The following FRYL variants were observed in gnomAD, a reference collection of about 807,000 sequenced individuals.
FRYL encodes FRY like transcription coactivator.
A neutral mutation model predicts 351.2 loss-of-function variants in FRYL; 150 were observed. The ratio of observed to expected loss-of-function variants is 0.43; its 90% CI spans 0.37 to 0.49. The LOEUF (loss-of-function observed/expected upper bound fraction) is 0.49. Among genes scored for constraint, FRYL ranks in the 20% least tolerant of loss-of-function variants. FRYL has a pLI of 0.00. For synonymous variants in FRYL, 1,153 were observed against 1,257.1 expected (o/e 0.92, Z 1.75); for missense variants, 3,036 against 3,619.3 (o/e 0.84, Z 4.13).
chr4:48,512,575 T>A lies in FRYL; in HGVS notation c.8051A>T (p.Glu2684Val). 6.2e-7 allele frequency: 1 copy of A among 1,614,050 alleles called. No individual in the cohort carries two copies. The change falls in exon 57 of 64, where the codon GAG becomes GTG. Residue 2684 changes from glutamate (E) to valine (V), a missense_variant. Transcript: ENST00000358350. Reference protein sequence around the residue: ...AFQPVAYDDEEEAWRCHVNQM... With the variant: ...AFQPVAYDDEVEAWRCHVNQM... ...ATTGACGTGGCAGCGCCAGGCTTCC[T>A]CTTCATCATCATATGCCACGGGCTG...
At chr4:48,708,452 G>A (rs139646470) in intron 2 of FRYL, among the ~76,000 whole-genome samples, 296 of 152,208 alleles carry the variant, frequency 1.9e-3, no homozygotes, top group Admixed American at 2.9e-3. Flanking sequence ...GGGTGACAGT[G>A]AGACTATCTT....
chr4:48,499,856 A>G (rs1021506439), intron 63 of FRYL, among the ~76,000 whole-genome samples, 174 bp downstream of exon 63: 1 of 152,218 alleles, frequency 6.6e-6, no homozygotes, highest in Non-Finnish European at 1.5e-5. Context: ...GTACCATCTG[A>G]AAGTGAAAAG....
At chr4:48,632,098 A>ATG (rs1560753509) in intron 4 of FRYL, among the ~76,000 whole-genome samples, 1 of 21,508 alleles carries the variant, frequency 4.6e-5, no homozygotes, top group Non-Finnish European at 1.1e-4. Flanking sequence ...AAAAATATAT[A>ATG]TATATATATA....
At chr4:48,731,076 C>G (rs1770672361) in intron 1 of FRYL, among the ~76,000 whole-genome samples, 2 of 151,982 alleles carry the variant, frequency 1.3e-5, no homozygotes, top group South Asian at 2.1e-4. Flanking sequence ...CAGTCCTGGT[C>G]TCTGATAAAA....
chr4:48,548,845 G>A (rs1212035385), intron 39 of FRYL, 52 bp from the exon 40 acceptor site: 5 of 1,029,082 alleles, frequency 4.9e-6, no homozygotes, highest in South Asian at 1.5e-5. Context: ...AGTAAACCTA[G>A]AGAGAATTTG....
chr4:48,547,260 G>A (rs1409841816), intron 41 of FRYL, among the ~76,000 whole-genome samples: 1 of 152,162 alleles, frequency 6.6e-6, no homozygotes, highest in Non-Finnish European at 1.5e-5. Flanking sequence ...TTCAGATCCT[G>A]CAAATAAGAG....
chr4:48,577,662 G>A (rs955446449), intron 23 of FRYL, among the ~76,000 whole-genome samples: 1 of 152,048 alleles, frequency 6.6e-6, no homozygotes, highest in Admixed American at 6.6e-5. Flanking sequence ...ATTAGGGAAG[G>A]CTACTTAAGG....
At chr4:48,566,830 A>G (rs1736909863) in intron 28 of FRYL, among the ~76,000 whole-genome samples, 2 of 152,332 alleles carry the variant, frequency 1.3e-5, no homozygotes, top group Non-Finnish European at 1.5e-5. Flanking sequence ...TAATTGGAAC[A>G]TATCTGGTAA....
At chr4:48,553,074 T>C in intron 36 of FRYL, 141 bp downstream of exon 36, 1 of 588,710 alleles carries the variant, frequency 1.7e-6, no homozygotes, top group Non-Finnish European at 2.9e-6. Context: ...GATTTGTTTT[T>C]TTCTTTTAAT....
At chr4:48,681,010 G>C in intron 3 of FRYL, 1 of 1,284,078 alleles carries the variant, frequency 7.8e-7, no homozygotes, top group African/African-American at 1.5e-5. Flanking sequence ...CTTCTCAGAT[G>C]AAAGTGAGCT....
At chr4:48,616,165 T>C (rs1380658663) in intron 7 of FRYL, among the ~76,000 whole-genome samples, 1 of 151,686 alleles carries the variant, frequency 6.6e-6, no homozygotes, top group Non-Finnish European at 1.5e-5. Flanking sequence ...CCTGTATACC[T>C]ATGTAAAAAA....
At position 48,606,635 on chromosome 4, in the gene FRYL, T is replaced by C. The variant is rs752260899; in HGVS notation, c.573-29A>G. 1.4e-5 allele frequency: 21 copies of C among 1,543,508 alleles called. 1 individual carries two copies. In the Admixed American group the frequency reaches 1.8e-4, roughly 13 times the overall value. On this transcript the variant is annotated intron_variant, in intron 9 of 63. Coordinates refer to ENST00000358350, the MANE Select transcript of FRYL (RefSeq NM_015030.2). ...TAATATACGTGGAGACATCATTTGATTTGAATTAAAAACACTAATTTCCAC... is the reference window on the plus strand; with the variant it reads ...TAATATACGTGGAGACATCATTTGACTTGAATTAAAAACACTAATTTCCAC...
chr4:48,746,202 A>G (rs762454321), intron 1 of FRYL, among the ~76,000 whole-genome samples: 3 of 152,172 alleles, frequency 2.0e-5, no homozygotes, highest in African/African-American at 4.8e-5. Context: ...CCTCTTCTCT[A>G]AGGATCTGGA....
chr4:48,540,813 A>G lies in FRYL; in HGVS notation c.5835T>C (p.Ser1945=). ...GGTCACCTCGTCGGTCACCAATCAA[A>G]CTTAATCTCAAAGAGTTACTTCTTG... The part of the protein sequence containing the change: ...SNARSNSLRL[S]LIGDRRGDRR... The change falls in exon 46 of 64, where the codon AGT becomes AGC. Residue 1945 remains serine (S), a synonymous_variant. Coordinates refer to ENST00000358350, the MANE Select transcript of FRYL (RefSeq NM_015030.2). 6.2e-7 allele frequency: 1 copy of G among 1,614,022 alleles called. No homozygotes were observed.
At chr4:48,744,855 G>A (rs1772490664) in intron 1 of FRYL, among the ~76,000 whole-genome samples, 1 of 152,072 alleles carries the variant, frequency 6.6e-6, no homozygotes, top group Non-Finnish European at 1.5e-5. Flanking sequence ...CCATAATATA[G>A]TGTGAACTTA....
At chr4:48,713,146 C>A (rs1192703716) in intron 1 of FRYL, among the ~76,000 whole-genome samples, 1 of 151,922 alleles carries the variant, frequency 6.6e-6, no homozygotes, top group Non-Finnish European at 1.5e-5. Context: ...TAAAGACCAT[C>A]GAGACTAGGA....
intron 60 of FRYL, among the ~76,000 whole-genome samples, chr4:48,504,922 A>C (rs1246562072): frequency 6.6e-6 from 1 of 152,148 alleles, no homozygotes; most frequent in Non-Finnish European, 1.5e-5. Context: ...AGAATATAAA[A>C]GACTGGAATT....
At chr4:48,687,106 A>G (rs1225139175) in intron 2 of FRYL, among the ~76,000 whole-genome samples, 7 of 152,096 alleles carry the variant, frequency 4.6e-5, no homozygotes, top group African/African-American at 1.7e-4. Flanking sequence ...CATATGGATT[A>G]CTTAACATGG....
chr4:48,501,606 T>G lies in FRYL; in HGVS notation c.8592+17A>C. ...TTTAGAATCAGTTACTGATGCCTAA[T>G]ACAACTGAATATTTACCTCTGCTTC... On this transcript the variant is annotated intron_variant, in intron 62 of 63. Coordinates refer to ENST00000358350, the MANE Select transcript of FRYL (RefSeq NM_015030.2). 2 of 1,372,162 alleles carry G rather than the reference T, an allele frequency of 1.5e-6. No homozygotes were observed. Among genetic ancestry groups the G allele is most frequent in the Non-Finnish European group, 2.1e-6 (2 of 962,058 alleles). The allele number at this position is 1,372,162 out of a possible 1,614,324, so 85.0% of individuals were successfully genotyped here.
Sources: allele counts gnomAD v4.1 joint callset (sites outside exome capture counted in the v4.1 genomes callset), GRCh38; gene constraint gnomAD v4.1.1; transcripts MANE v1.5; gene names NCBI Gene and HGNC (gene_info 2026-07-23, HGNC 2026-07-21).